The following GLIS3 variants were observed in gnomAD, a reference collection of about 807,000 sequenced individuals.
GLIS3 encodes GLIS family zinc finger 3, also known as zinc finger protein GLIS3.
In GLIS3, 53 loss-of-function variants were observed where a neutral mutation model predicts 78.6. The observed-to-expected ratio is 0.67, with a 90% CI of 0.54 to 0.85. The LOEUF is 0.85. GLIS3 is among the 40% of genes least tolerant of loss of function. The pLI is 0.00. For synonymous variants in GLIS3, 684 were observed against 509.9 expected (o/e 1.34, Z -4.60); for missense variants, 1,703 against 1,231.1 (o/e 1.38, Z -5.74).
intron 4 of GLIS3, among the ~76,000 whole-genome samples, chr9:3,982,045 C>T (rs1269070626): frequency 6.6e-6 from 1 of 152,130 alleles, no homozygotes; most frequent in Non-Finnish European, 1.5e-5. Flanking sequence ...CTGTCTAATT[C>T]CATTATACCT....
the GLIS3 span, among the ~76,000 whole-genome samples, chr9:4,456,330 G>C: frequency 1.3e-5 from 2 of 152,180 alleles, no homozygotes; most frequent in African/African-American, 4.8e-5. Flanking sequence ...TGTTGGGGTG[G>C]CTGTGGCAAT....
chr9:4,057,705 C>G (rs933578081), intron 4 of GLIS3, among the ~76,000 whole-genome samples: 1 of 105,488 alleles, frequency 9.5e-6, no homozygotes, highest in South Asian at 3.7e-4. Flanking sequence ...AAGAATGCAG[C>G]TAGGAAAAAA....
intron 7 of GLIS3, among the ~76,000 whole-genome samples, chr9:3,881,799 G>A (rs1056794747): frequency 1.3e-5 from 2 of 152,152 alleles, no homozygotes; most frequent in African/African-American, 2.4e-5. Flanking sequence ...AATGAAGGGA[G>A]CAGACCTCTA....
chr9:4,046,617 A>C (rs1028322139), intron 4 of GLIS3, among the ~76,000 whole-genome samples: 1 of 152,216 alleles, frequency 6.6e-6, no homozygotes, highest in Admixed American at 6.5e-5. Flanking sequence ...TAGGTAGGTA[A>C]TAAATCTTTT....
At chr9:4,086,560 A>C (rs780275893) in intron 4 of GLIS3, among the ~76,000 whole-genome samples, 1 of 152,232 alleles carries the variant, frequency 6.6e-6, no homozygotes, top group African/African-American at 2.4e-5. Context: ...AATCTTTAAC[A>C]ATCAGTCAGA....
At chr9:4,423,314 G>A in the GLIS3 span, among the ~76,000 whole-genome samples, 5 of 152,160 alleles carry the variant, frequency 3.3e-5, no homozygotes, top group Non-Finnish European at 7.3e-5. Flanking sequence ...CCACACGGAA[G>A]GGCGGCTATT....
intron 2 of GLIS3, among the ~76,000 whole-genome samples, chr9:4,206,492 T>C (rs1251817462): frequency 1.3e-5 from 2 of 152,224 alleles, no homozygotes; most frequent in African/African-American, 4.8e-5. Flanking sequence ...AGGCGTAGCT[T>C]TATGAACTGC....
intron 2 of GLIS3, among the ~76,000 whole-genome samples, chr9:4,235,141 T>A (rs11794625): frequency 0.12 from 18,444 of 151,372 alleles, 1,265 homozygotes; most frequent in African/African-American, 0.19. Context: ...TACTAAAAAT[T>A]TAAAAAAAAT....
Position 4,118,525 on chromosome 9 carries a change from G to C in GLIS3, c.953C>G (p.Thr318Ser). The change falls in exon 4 of 11, where the codon ACC (threonine) becomes AGC (serine). Residue 318 changes from threonine to serine, a missense_variant. Coordinates refer to ENST00000381971, the MANE Select transcript of GLIS3 (RefSeq NM_001042413.2). The surrounding 1 kb of genome is among the most constrained non-coding windows in gnomAD (Gnocchi z 4.7). ...LSDGIGIDFN[T>S]IIRTSPTSLV... ...GGACGTGGGCGACGTGCGGATGATGGTATTGAAATCTATCCCGATGCCATC... is the reference window on the plus strand; with the variant it reads ...GGACGTGGGCGACGTGCGGATGATGCTATTGAAATCTATCCCGATGCCATC... 2 of 1,614,246 alleles carry C rather than the reference G, an allele frequency of 1.2e-6. No individual in the cohort carries two copies. Among genetic ancestry groups the C allele is most frequent in the Non-Finnish European group, 1.7e-6 (2 of 1,180,034 alleles).
intron 2 of GLIS3, among the ~76,000 whole-genome samples, chr9:4,134,905 G>A (rs1448382278): frequency 6.6e-6 from 1 of 152,076 alleles, no homozygotes; most frequent in Admixed American, 6.6e-5. Flanking sequence ...TACCTAGAAG[G>A]CTTGTCCTGA....
intron 4 of GLIS3, among the ~76,000 whole-genome samples, chr9:4,032,610 C>A (rs1823937898): frequency 6.6e-6 from 1 of 152,148 alleles, no homozygotes; most frequent in African/African-American, 2.4e-5. Flanking sequence ...TAATGTGCAA[C>A]AAGGAAAACA....
the GLIS3 span, among the ~76,000 whole-genome samples, chr9:4,480,753 T>A: frequency 6.6e-6 from 1 of 151,246 alleles, no homozygotes; most frequent in African/African-American, 2.4e-5. Context: ...AACACACACA[T>A]ACATTTAATT....
chr9:3,844,328 A>G (rs560886782), intron 9 of GLIS3, among the ~76,000 whole-genome samples: 2 of 152,354 alleles, frequency 1.3e-5, no homozygotes, highest in Admixed American at 1.3e-4. Flanking sequence ...AGTTTAAAAT[A>G]TAAGAAATAT....
At chr9:4,105,097 T>C (rs980753343) in intron 4 of GLIS3, among the ~76,000 whole-genome samples, 2 of 152,198 alleles carry the variant, frequency 1.3e-5, no homozygotes, top group African/African-American at 4.8e-5. Flanking sequence ...TTAATAACCT[T>C]AGAATTTTTC....
At chr9:4,132,194 T>G (rs1368621452) in intron 2 of GLIS3, among the ~76,000 whole-genome samples, 1 of 152,190 alleles carries the variant, frequency 6.6e-6, no homozygotes, top group Non-Finnish European at 1.5e-5. Context: ...TTTTAGAGAC[T>G]ACATGATGTA....
chr9:4,184,278 G>C (rs545433326), intron 2 of GLIS3, among the ~76,000 whole-genome samples: 1 of 152,310 alleles, frequency 6.6e-6, no homozygotes, highest in South Asian at 2.1e-4. Context: ...GAGCCCTTGT[G>C]TCTTTGCATG....
chr9:3,830,257 C>T (rs1455171), intron 9 of GLIS3, among the ~76,000 whole-genome samples: 151,728 of 152,334 alleles, frequency 1, 75,564 homozygotes, highest in Middle Eastern at 1. Context: ...TGTGGTTCTT[C>T]TCTATGATCC....
intron 4 of GLIS3, among the ~76,000 whole-genome samples, chr9:3,987,189 C>A (rs1264727971): frequency 2.6e-5 from 4 of 152,128 alleles, no homozygotes; most frequent in Admixed American, 6.5e-5. Flanking sequence ...GATTTTAAAA[C>A]TTGCTGGAAG....
chr9:4,462,243 T>C, the GLIS3 span, among the ~76,000 whole-genome samples: 1 of 152,160 alleles, frequency 6.6e-6, no homozygotes, highest in Admixed American at 6.5e-5. Flanking sequence ...CTGTAAACTT[T>C]TTCACCATTC....
Sources: gnomAD v4.1 joint callset for allele counts (sites outside exome capture counted in the v4.1 genomes callset) on GRCh38, gnomAD v4.1.1 for gene constraint, Gnocchi (gnomAD v3.1) non-coding constraint, MANE v1.5 for transcripts, NCBI Gene and HGNC (gene_info 2026-07-23, HGNC 2026-07-21) for gene names.